NLRP8: variants seen among roughly 807,000 people sequenced by gnomAD.
NLRP8 encodes the protein NLR family pyrin domain containing 8, also known as NACHT, LRR and PYD domains-containing protein 8.
A neutral mutation model predicts 88.7 loss-of-function variants in NLRP8; 86 were observed. That is an observed-to-expected ratio of 0.97 (90% CI 0.81 to 1.16). The LOEUF (loss-of-function observed/expected upper bound fraction) is 1.16, where lower values mean the gene tolerates loss of function less well. Among genes scored for constraint, NLRP8 ranks in the 50% most tolerant of loss-of-function variants. The pLI, the probability that NLRP8 is intolerant of heterozygous loss-of-function variation, is 0.00. For missense variants in NLRP8, 1,342 were observed against 1,286.5 expected, an observed-to-expected ratio of 1.04 and a Z score of -0.66; for synonymous variants, 504 against 494.6, an observed-to-expected ratio of 1.02 and a Z score of -0.25.
chr19:55,974,660 C>T (rs141952216), intron 7 of NLRP8, among the ~76,000 whole-genome samples: 2,873 of 150,570 alleles, frequency 0.019, 80 homozygotes, highest in East Asian at 0.054. Flanking sequence ...GGCATGAACC[C>T]GGGAGGCAGA....
chr19:55,958,614 T>C (rs549125065), intron 3 of NLRP8, among the ~76,000 whole-genome samples: 2 of 152,340 alleles, frequency 1.3e-5, no homozygotes, highest in Admixed American at 6.5e-5. Flanking sequence ...GACTGAGTCA[T>C]TGCCAGGAAA....
At chr19:55,948,813 G>A (rs1490568093) in intron 1 of NLRP8, among the ~76,000 whole-genome samples, 1 of 152,150 alleles carries the variant, frequency 6.6e-6, no homozygotes, top group Non-Finnish European at 1.5e-5. Flanking sequence ...TCATAGAGAA[G>A]TAGGAAGTAA....
intron 1 of NLRP8, among the ~76,000 whole-genome samples, chr19:55,949,126 A>G (rs1978981740): frequency 1.3e-5 from 2 of 152,212 alleles, no homozygotes; most frequent in Admixed American, 1.3e-4. Context: ...GAGAGACCAC[A>G]TTTACATACC....
At chr19:55,970,490 C>T (rs1379797478) in intron 5 of NLRP8, 54 bp from the exon 6 acceptor site, 1 of 1,594,528 alleles carries the variant, frequency 6.3e-7, no homozygotes, top group African/African-American at 1.3e-5. Flanking sequence ...GGAGGTCCTA[C>T]AGGTACCATT....
Position 55,966,381 on chromosome 19 carries a change from G to A in NLRP8, c.2381+1G>A. The A allele has an allele frequency of 2.5e-6, 4 of 1,613,302 alleles. No individual in the cohort carries two copies. Among genetic ancestry groups the A allele is most frequent in the Middle Eastern group, 1.7e-4 (1 of 6,042 alleles). ...CCCGGTGCCGTCTGCAGTGTCTCAGGTGAGATTTGAGAGGGGGGTTAGAGT... is the reference window on the plus strand; with the variant it reads ...CCCGGTGCCGTCTGCAGTGTCTCAGATGAGATTTGAGAGGGGGGTTAGAGT... On this transcript the variant is annotated splice_donor_variant, in intron 5 of 9. Coordinates refer to ENST00000291971, the MANE Select transcript of NLRP8 (RefSeq NM_176811.2). LOFTEE classifies it high-confidence loss of function.
At position 55,952,554 on chromosome 19, in the gene NLRP8, G is replaced by C. The variant is rs1979142566; in HGVS notation, c.384G>C (p.Leu128Phe). The C allele has an allele frequency of 6.2e-7, 1 of 1,613,782 alleles. No individual in the cohort carries two copies. The highest frequency in any genetic ancestry group is 1.7e-5 in the Admixed American group (1 of 59,976). The stretch of plus-strand genomic sequence containing the variant: ...CTGTTACAGCCATTCTGCCTACCTT[G>C]GAACCAGAGGACTTGAATGTGGGAG... Residue 128 changes from leucine (L) to phenylalanine (F), a missense_variant, in exon 2 of 10, where the codon TTG becomes TTC. By Grantham distance (22) the Leu-to-Phe change is conservative. Transcript: ENST00000291971.
At chr19:55,956,888 G>A (rs1240344977) in intron 3 of NLRP8, among the ~76,000 whole-genome samples, 4 of 152,008 alleles carry the variant, frequency 2.6e-5, no homozygotes, top group Non-Finnish European at 5.9e-5. Context: ...AACCTTCTGG[G>A]CTCAAACAAT....
rs756046140 is a variant in NLRP8, at chr19:55,956,062, C to A, written c.2004C>A (p.Asn668Lys). 2.5e-6 allele frequency: 4 copies of A among 1,613,736 alleles called. No individual in the cohort carries two copies. Among genetic ancestry groups the A allele is most frequent in the Admixed American group, 1.7e-5 (1 of 59,988 alleles). The change falls in exon 3 of 10, where the codon AAC becomes AAA. Residue 668 changes from asparagine to lysine, a missense_variant. Transcript: ENST00000291971. The stretch of plus-strand genomic sequence containing the variant: ...TGACCGTCACCCTGAACTTCATGAA[C>A]GTGTGGAAGCTCAGCTCCAGCTCCC...
intron 4 of NLRP8, among the ~76,000 whole-genome samples, chr19:55,965,582 G>A (rs555309400): frequency 8.5e-5 from 13 of 152,124 alleles, no homozygotes; most frequent in African/African-American, 1.2e-4. Flanking sequence ...ATAGGATGAC[G>A]TTCCCTTTGC....
chr19:55,959,696 A>G (rs148987862), intron 3 of NLRP8, among the ~76,000 whole-genome samples: 1 of 152,298 alleles, frequency 6.6e-6, no homozygotes, highest in Non-Finnish European at 1.5e-5. Context: ...AAGAGAGTCT[A>G]TTTCTGTAAC....
At chr19:55,970,158 T>G (rs1980009292) in intron 5 of NLRP8, among the ~76,000 whole-genome samples, 1 of 152,226 alleles carries the variant, frequency 6.6e-6, no homozygotes, top group African/African-American at 2.4e-5. Context: ...ATTGGTGAGA[T>G]GATGGATGTA....
At chr19:55,951,800 AGTG>A (rs1181556763) in intron 1 of NLRP8, among the ~76,000 whole-genome samples, 26 of 152,132 alleles carry the variant, frequency 1.7e-4, no homozygotes, top group Admixed American at 1.4e-3. Flanking sequence ...CCCAGGTTGG[AGTG>A]GAGTGGTATG....
chr19:55,975,372 T>A (rs1980264872), intron 7 of NLRP8, among the ~76,000 whole-genome samples: 1 of 152,212 alleles, frequency 6.6e-6, no homozygotes, highest in Non-Finnish European at 1.5e-5. Context: ...GCTTTGGCAG[T>A]TCCTCAAAAG....
At chr19:55,960,161 T>G (rs1368123965) in intron 3 of NLRP8, among the ~76,000 whole-genome samples, 1 of 152,154 alleles carries the variant, frequency 6.6e-6, no homozygotes, top group African/African-American at 2.4e-5. Context: ...CATTCCAGCC[T>G]TTGTGTGAGG....
At chr19:55,982,842 G>T (rs1385373147) in intron 9 of NLRP8, among the ~76,000 whole-genome samples, 3 of 152,060 alleles carry the variant, frequency 2.0e-5, no homozygotes, top group African/African-American at 7.2e-5. Context: ...GCTATTTGGG[G>T]GGCTGAAGTG....
chr19:55,966,236 T>C lies in NLRP8; in HGVS notation c.2237T>C (p.Met746Thr). Residue 746 changes from methionine (M) to threonine (T), a missense_variant, in exon 5 of 10, where the codon ATG (methionine) becomes ACG (threonine). Transcript: ENST00000291971. ...AGCCTAAGGCGTGTGAATAGCACCA[T>C]GTTGAACCAGGACTTAATCGGTGTT... 1 of 1,614,098 alleles carries C rather than the reference T, an allele frequency of 6.2e-7. No homozygotes were observed. The highest frequency in any genetic ancestry group is 1.1e-5 in the South Asian group (1 of 91,084).
In NLRP8 at chr19:55,962,233, C is replaced by T; in HGVS notation, c.2209C>T (p.Leu737=). 1.2e-6 allele frequency: 2 copies of T among 1,612,750 alleles called. No individual in the cohort carries two copies. The highest frequency in any genetic ancestry group is 1.7e-6 in the Non-Finnish European group (2 of 1,179,696). Residue 737 remains leucine (L), a synonymous_variant, in exon 4 of 10, where the codon CTA becomes TTA. Coordinates refer to ENST00000291971, the MANE Select transcript of NLRP8 (RefSeq NM_176811.2). ...GCACCCTCAGTGCAAACTGCAAAAGCTACTGTGAGTATAACACAAATCCCA... is the reference window on the plus strand; with the variant it reads ...GCACCCTCAGTGCAAACTGCAAAAGTTACTGTGAGTATAACACAAATCCCA...
chr19:55,949,911 C>A (rs896145749), intron 1 of NLRP8, among the ~76,000 whole-genome samples: 2 of 152,034 alleles, frequency 1.3e-5, no homozygotes, highest in Non-Finnish European at 2.9e-5. Flanking sequence ...AAGGGACTTT[C>A]TTTTGATAAG....
rs1356339599 is a variant in NLRP8 at position 55,948,156 on chromosome 19, T to C, written c.254T>C (p.Val85Ala). Residue 85 changes from valine (V) to alanine (A), a missense_variant, in exon 1 of 10, where the codon GTT becomes GCT. Transcript: ENST00000291971. ...GAGACAGCCAGCTGGGCAGAGGTGGTTCATCTCTTGATAGAGCGTTTCCCT... is the reference window on the plus strand; with the variant it reads ...GAGACAGCCAGCTGGGCAGAGGTGGCTCATCTCTTGATAGAGCGTTTCCCT... 6.2e-7 allele frequency: 1 copy of C among 1,614,140 alleles called. No homozygotes were observed. The highest frequency in any genetic ancestry group is 1.3e-5 in the African/African-American group (1 of 75,036).
Sources: gnomAD v4.1 joint callset for allele counts (sites outside exome capture counted in the v4.1 genomes callset) on GRCh38, gnomAD v4.1.1 for gene constraint, MANE v1.5 for transcripts, NCBI Gene and HGNC (gene_info 2026-07-23, HGNC 2026-07-21) for gene names.